Variants in NCK2 observed in about 807,000 individuals in gnomAD.
NCK2 encodes the protein NCK adaptor protein 2, also known as cytoplasmic protein NCK2.
NCK2 carries 16 observed loss-of-function variants against 33.9 expected under a neutral mutation model. The ratio of observed to expected loss-of-function variants is 0.47; its 90% CI spans 0.32 to 0.72. NCK2 has a LOEUF of 0.72. NCK2 is among the 30% of genes least tolerant of loss of function. The pLI, the probability that NCK2 is intolerant of heterozygous loss-of-function variation, is 0.03. For missense variants in NCK2, 418 were observed against 537.3 expected (o/e 0.78, Z 2.19); for synonymous variants, 273 against 239.9 (o/e 1.14, Z -1.27).
Position 105,819,327 on chromosome 2 carries a change from A to T in NCK2, c.-17+2714A>T, listed in dbSNP as rs1224683288. On this transcript the variant is annotated intron_variant, in intron 2 of 4. Transcript: ENST00000233154. ...AACCCATGGTAACTCCGTTTTCTTT[A>T]AAAAAAAAAAAAAAAAAGTCATTGG... Among the ~76,000 whole-genome samples the T allele has an allele frequency of 1.9e-4, 15 of 79,670 alleles. No individual in the cohort carries two copies. The East Asian group carries it at 2.1e-3, about 11-fold the overall frequency. The allele number at this position is 79,670 out of a possible 152,430, so 52.3% of individuals were successfully genotyped here.
intron 2 of NCK2, among the ~76,000 whole-genome samples, chr2:105,827,070 G>GCTCACTGCAAGCTCTGC (rs2104512130): frequency 6.6e-6 from 1 of 152,032 alleles, no homozygotes; most frequent in Admixed American, 6.5e-5. Flanking sequence ...CACGATCTCG[G>GCTCACTGCAAGCTCTGC]CTCACTGCAA....
At chr2:105,751,195 C>T (rs530247043) in intron 1 of NCK2, among the ~76,000 whole-genome samples, 1 of 152,186 alleles carries the variant, frequency 6.6e-6, no homozygotes, top group South Asian at 2.1e-4. Flanking sequence ...TGCAACCTGC[C>T]CGCCTTCTCA....
At chr2:105,830,670 G>GTGTGT (rs1553458033) in intron 2 of NCK2, among the ~76,000 whole-genome samples, 1 of 98,986 alleles carries the variant, frequency 1.0e-5, no homozygotes, top group Admixed American at 1.1e-4. Flanking sequence ...CCAGGAATTT[G>GTGTGT]GTGTGTGTGT....
chr2:105,882,686 G>A (rs1173566576), intron 4 of NCK2, among the ~76,000 whole-genome samples: 3 of 152,272 alleles, frequency 2.0e-5, no homozygotes, highest in Middle Eastern at 3.4e-3. Context: ...CCAGTTCAGC[G>A]GTGGGCAGGC....
chr2:105,810,613 C>G (rs546745074), intron 1 of NCK2, among the ~76,000 whole-genome samples: 8 of 152,228 alleles, frequency 5.3e-5, no homozygotes, highest in African/African-American at 1.9e-4. Context: ...ATTAAATTGT[C>G]TAGTTATGGC....
intron 2 of NCK2, among the ~76,000 whole-genome samples, chr2:105,841,203 C>A (rs891765444): frequency 6.7e-6 from 1 of 150,314 alleles, no homozygotes; most frequent in Admixed American, 6.6e-5. Flanking sequence ...GGCATGTAAC[C>A]TTTTCGCCTT....
Position 105,889,543 on chromosome 2 carries a change from T to C in NCK2, c.949-3439T>C, listed in dbSNP as rs111654397. On this transcript the variant is annotated intron_variant, in intron 4 of 4. Transcript: ENST00000233154. ...CCCCAGAATTTCTGCTACAGCAGGG[T>C]TGAGGCAGAGCCTGAGAATTTGCAT... Among the ~76,000 whole-genome samples, 365 of 151,834 alleles carry C rather than the reference T, an allele frequency of 2.4e-3. 2 individuals are homozygous for C. Among genetic ancestry groups the C allele is most frequent in the Middle Eastern group, 6.8e-3 (2 of 292 alleles).
At chr2:105,761,950 TTA>T (rs1689777941) in intron 1 of NCK2, among the ~76,000 whole-genome samples, 1 of 152,228 alleles carries the variant, frequency 6.6e-6, no homozygotes, top group African/African-American at 2.4e-5. Flanking sequence ...GTGTTACAGT[TTA>T]TGTTTTCTCT....
chr2:105,805,383 A>G (rs1674994234), intron 1 of NCK2, among the ~76,000 whole-genome samples: 1 of 152,264 alleles, frequency 6.6e-6, no homozygotes, highest in South Asian at 2.1e-4. Flanking sequence ...TACTTTAAGA[A>G]CTAAGTATTC....
chr2:105,863,971 AG>A (rs906834217), intron 3 of NCK2, among the ~76,000 whole-genome samples: 1 of 146,104 alleles, frequency 6.8e-6, no homozygotes, highest in Non-Finnish European at 1.5e-5. Flanking sequence ...AGACTTGGCG[AG>A]GGGGGGTGGG....
chr2:105,863,244 C>A (rs1343041315), intron 3 of NCK2, among the ~76,000 whole-genome samples: 1 of 152,090 alleles, frequency 6.6e-6, no homozygotes, highest in Admixed American at 6.5e-5. Flanking sequence ...GGTCTGTCAT[C>A]GTGATTATAA....
At chr2:105,836,227 G>A (rs753894868) in intron 2 of NCK2, among the ~76,000 whole-genome samples, 12 of 151,590 alleles carry the variant, frequency 7.9e-5, no homozygotes, top group East Asian at 3.9e-4. Flanking sequence ...CACTGTTAGC[G>A]AAATAGTTTC....
chr2:105,855,406 C>A, intron 3 of NCK2, 117 bp downstream of exon 3: 1 of 730,712 alleles, frequency 1.4e-6, no homozygotes, highest in Non-Finnish European at 2.2e-6. Flanking sequence ...TTAATATCTT[C>A]CTAGTTGTCT....
intron 2 of NCK2, among the ~76,000 whole-genome samples, chr2:105,850,672 C>T (rs1558868962): frequency 6.6e-6 from 1 of 152,170 alleles, no homozygotes; most frequent in Non-Finnish European, 1.5e-5. Context: ...GAAAAACATG[C>T]GTTGTTCTTT....
chr2:105,835,406 C>T (rs7598970), intron 2 of NCK2, among the ~76,000 whole-genome samples: 4,946 of 21,174 alleles, frequency 0.23, 455 homozygotes, highest in East Asian at 0.29. Flanking sequence ...TATATATATA[C>T]GTGTATATAT....
rs1678522792 is a variant in NCK2 at position 105,882,005 on chromosome 2, C to T, written c.904C>T (p.Arg302Trp). The change falls in exon 4 of 5, where the codon CGG becomes TGG. Residue 302 changes from arginine to tryptophan, a missense_variant. Transcript: ENST00000233154. ...CCAGGCCGAGTGCGCCCTCAACGAG[C>T]GGGGCGTGGAGGGCGACTTCCTCAT... is the stretch of plus-strand genomic sequence containing the variant. The part of the protein sequence containing the change: ...RHQAECALNE[R>W]GVEGDFLIRD... The T allele has an allele frequency of 1.3e-6, 2 of 1,508,382 alleles. No homozygotes were observed. The highest frequency in any genetic ancestry group is 1.3e-5 in the South Asian group (1 of 74,508). The allele number at this position is 1,508,382 out of a possible 1,614,324, so 93.4% of individuals were successfully genotyped here.
chr2:105,770,513 C>T (rs1302717487), intron 1 of NCK2, among the ~76,000 whole-genome samples: 1 of 152,170 alleles, frequency 6.6e-6, no homozygotes, highest in Non-Finnish European at 1.5e-5. Context: ...GTTTACATAA[C>T]TGATCATATT....
At chr2:105,780,193 G>A (rs1690443016) in intron 1 of NCK2, among the ~76,000 whole-genome samples, 1 of 152,036 alleles carries the variant, frequency 6.6e-6, no homozygotes, top group Non-Finnish European at 1.5e-5. Flanking sequence ...TAGAATATTT[G>A]GAAGGTTTTT....
At chr2:105,854,413 T>C (rs994429596) in intron 2 of NCK2, 1 of 152,264 alleles carries the variant, frequency 6.6e-6, no homozygotes, top group Non-Finnish European at 1.5e-5. Context: ...CTTTCCCTTA[T>C]ACCCTTTACC....
Sources: gnomAD v4.1 joint callset for allele counts (sites outside exome capture counted in the v4.1 genomes callset) on GRCh38, gnomAD v4.1.1 for gene constraint, MANE v1.5 for transcripts, NCBI Gene and HGNC (gene_info 2026-07-23, HGNC 2026-07-21) for gene names.